CSMD3: variants seen among roughly 807,000 people sequenced by gnomAD.
CSMD3 encodes the protein CUB and sushi domain-containing protein 3.
A neutral mutation model predicts 435.2 loss-of-function variants in CSMD3; 177 were observed. The ratio of observed to expected loss-of-function variants is 0.41; its 90% CI spans 0.36 to 0.46. The LOEUF is 0.46. Ranked by LOEUF, CSMD3 falls within the 20% of genes least tolerant of loss-of-function variation. The pLI, the probability that CSMD3 is intolerant of heterozygous loss-of-function variation, is 0.34. For synonymous variants in CSMD3, 1,656 were observed against 1,520.5 expected (o/e 1.09, Z -2.07); for missense variants, 4,265 against 4,504.6 (o/e 0.95, Z 1.52).
intron 13 of CSMD3, among the ~76,000 whole-genome samples, 197 bp downstream of exon 13, chr8:112,799,965 T>C (rs2078922728): frequency 6.6e-6 from 1 of 151,950 alleles, no homozygotes; most frequent in Non-Finnish European, 1.5e-5. Context: ...ATAGACACAT[T>C]TTAAAGGAAA....
intron 28 of CSMD3, among the ~76,000 whole-genome samples, chr8:112,512,129 C>T (rs115923505): frequency 0.012 from 1,792 of 152,284 alleles, 38 homozygotes; most frequent in African/African-American, 0.04. Context: ...TTCTGCCAAA[C>T]TCCTGATAAT....
At chr8:113,348,097 A>T (rs368305608) in intron 1 of CSMD3, among the ~76,000 whole-genome samples, 9 of 152,306 alleles carry the variant, frequency 5.9e-5, no homozygotes, top group African/African-American at 1.9e-4. Context: ...TAAGAAAAGA[A>T]GATGAGAGAA....
At chr8:112,639,435 A>G (rs1472164430) in intron 20 of CSMD3, among the ~76,000 whole-genome samples, 1 of 152,114 alleles carries the variant, frequency 6.6e-6, no homozygotes, top group African/African-American at 2.4e-5. Context: ...ACACATTTCA[A>G]CCTGTGCATA....
At chr8:113,241,868 C>G (rs1208137123) in intron 3 of CSMD3, among the ~76,000 whole-genome samples, 2 of 151,618 alleles carry the variant, frequency 1.3e-5, no homozygotes, top group Admixed American at 6.6e-5. Flanking sequence ...AAAAGAGCTG[C>G]CTTTTTGTCC....
At chr8:113,118,909 C>T (rs1489209947) in intron 4 of CSMD3, among the ~76,000 whole-genome samples, 1 of 152,226 alleles carries the variant, frequency 6.6e-6, no homozygotes, top group African/African-American at 2.4e-5. Context: ...GCTATCTCTA[C>T]TAGTTAAATG....
At chr8:113,202,741 T>C (rs1181667158) in intron 3 of CSMD3, among the ~76,000 whole-genome samples, 2 of 152,254 alleles carry the variant, frequency 1.3e-5, no homozygotes, top group Admixed American at 6.6e-5. Flanking sequence ...CTGCCAAATC[T>C]AGCTGTATTC....
At chr8:113,221,912 A>G (rs777490983) in intron 3 of CSMD3, among the ~76,000 whole-genome samples, 5 of 151,312 alleles carry the variant, frequency 3.3e-5, no homozygotes, top group Non-Finnish European at 7.4e-5. Flanking sequence ...ACACTAGTCA[A>G]TAAGAGCAGG....
intron 3 of CSMD3, among the ~76,000 whole-genome samples, chr8:113,243,388 T>G (rs2132256295): frequency 6.9e-6 from 1 of 145,512 alleles, no homozygotes; most frequent in South Asian, 2.1e-4. Context: ...ATTGTAGTCT[T>G]CTGTTTTCAG....
intron 2 of CSMD3, among the ~76,000 whole-genome samples, chr8:113,286,986 T>G (rs746525989): frequency 4.6e-5 from 7 of 151,850 alleles, no homozygotes; most frequent in Admixed American, 2.0e-4. Flanking sequence ...GAGATTTATT[T>G]AAAAATAAAA....
intron 38 of CSMD3, among the ~76,000 whole-genome samples, chr8:112,370,017 A>AGAGGAG (rs796330074): frequency 1.7e-5 from 1 of 59,582 alleles, no homozygotes; most frequent in African/African-American, 4.0e-5. Context: ...AAGAGGAAGA[A>AGAGGAG]GAAGAGGAAG....
intron 3 of CSMD3, among the ~76,000 whole-genome samples, chr8:113,252,758 G>A (rs1316636825): frequency 1.3e-5 from 2 of 151,976 alleles, no homozygotes; most frequent in Admixed American, 1.3e-4. Context: ...ATACCACATG[G>A]AGATATTCTG....
intron 1 of CSMD3, among the ~76,000 whole-genome samples, chr8:113,331,267 C>T (rs1433159086): frequency 6.6e-6 from 1 of 150,952 alleles, no homozygotes; most frequent in Admixed American, 6.6e-5. Context: ...ATGAATAGAA[C>T]TACAATAAGA....
intron 32 of CSMD3, among the ~76,000 whole-genome samples, chr8:112,460,428 A>T (rs1246813140): frequency 1.3e-5 from 2 of 151,918 alleles, no homozygotes; most frequent in African/African-American, 4.8e-5. Context: ...AAGAACAGCA[A>T]ACATACTAGA....
intron 22 of CSMD3, among the ~76,000 whole-genome samples, chr8:112,626,309 A>C (rs888952612): frequency 3.3e-5 from 5 of 152,078 alleles, no homozygotes; most frequent in Non-Finnish European, 5.9e-5. Flanking sequence ...ACTGTTACTA[A>C]TTTATAGTCC....
At chr8:112,585,075 A>T (rs1277869074) in intron 23 of CSMD3, among the ~76,000 whole-genome samples, 4 of 151,612 alleles carry the variant, frequency 2.6e-5, no homozygotes, top group African/African-American at 4.8e-5. Context: ...AACATTAAGC[A>T]TCTTACCTCT....
chr8:113,378,314 C>T (rs926300204), intron 1 of CSMD3, among the ~76,000 whole-genome samples: 1 of 152,262 alleles, frequency 6.6e-6, no homozygotes, highest in South Asian at 2.1e-4. Context: ...CAGTGTCAGT[C>T]CTGTGCCAAG....
chr8:113,212,977 A>G (rs2092857071), intron 3 of CSMD3, among the ~76,000 whole-genome samples: 1 of 151,368 alleles, frequency 6.6e-6, no homozygotes, highest in African/African-American at 2.4e-5. Context: ...TTCTAAATTC[A>G]GGGGACAGAG....
intron 6 of CSMD3, among the ~76,000 whole-genome samples, chr8:113,008,814 T>G (rs1225360921): frequency 6.6e-6 from 1 of 151,250 alleles, no homozygotes; most frequent in Non-Finnish European, 1.5e-5. Context: ...CTGAAGTAAA[T>G]CATAATTGCT....
intron 59 of CSMD3, among the ~76,000 whole-genome samples, chr8:112,266,715 CAATTTCATTAAA>C (rs1325700161): frequency 1.3e-5 from 2 of 152,078 alleles, no homozygotes; most frequent in Non-Finnish European, 2.9e-5. Context: ...ACACAAATAA[CAATTTCATTAAA>C]AATGTATTTT....
Sources: gnomAD v4.1 joint callset for allele counts (sites outside exome capture counted in the v4.1 genomes callset) on GRCh38, gnomAD v4.1.1 for gene constraint, MANE v1.5 for transcripts, NCBI Gene and HGNC (gene_info 2026-07-23, HGNC 2026-07-21) for gene names.